Variants in SPECC1 observed in about 807,000 individuals in gnomAD.
SPECC1 encodes the protein sperm antigen with calponin homology and coiled-coil domains 1, also known as cytospin-B.
A neutral mutation model predicts 104.1 loss-of-function variants in SPECC1; 62 were observed. The ratio of observed to expected loss-of-function variants is 0.60; its 90% CI spans 0.49 to 0.74. The LOEUF (loss-of-function observed/expected upper bound fraction) is 0.74, where lower values mean the gene tolerates loss of function less well. Ranked by LOEUF, SPECC1 falls within the 30% of genes least tolerant of loss-of-function variation. The probability of loss-of-function intolerance (pLI) is 0.00; values close to 1 mark genes in which losing one functional copy is unlikely to be tolerated. For missense variants in SPECC1, 1,306 were observed against 1,310.5 expected (o/e 1.00, Z 0.05); for synonymous variants, 513 against 501.6 (o/e 1.02, Z -0.30).
intron 3 of SPECC1, among the ~76,000 whole-genome samples, chr17:20,188,851 A>G (rs913081206): frequency 2.0e-5 from 3 of 152,144 alleles, no homozygotes; most frequent in Non-Finnish European, 2.9e-5. Context: ...TTGAAAAAAC[A>G]ACTCCCACCC....
At chr17:20,120,451 G>A (rs1226049227) in intron 3 of SPECC1, among the ~76,000 whole-genome samples, 4 of 152,110 alleles carry the variant, frequency 2.6e-5, no homozygotes, top group Non-Finnish European at 5.9e-5. Context: ...GATGTTCACT[G>A]GACTTAAACC....
chr17:20,040,140 T>C, intron 1 of SPECC1, among the ~76,000 whole-genome samples: 1 of 151,800 alleles, frequency 6.6e-6, no homozygotes, highest in East Asian at 1.9e-4. Context: ...GGTTGCTGTA[T>C]TACATTATAT....
intron 4 of SPECC1, among the ~76,000 whole-genome samples, chr17:20,223,520 A>G (rs2151439955): frequency 6.6e-6 from 1 of 152,214 alleles, no homozygotes; most frequent in African/African-American, 2.4e-5. Context: ...TAAAAATACA[A>G]AAATTAGCCG....
chr17:20,179,871 AAAGT>A (rs1450260058), intron 3 of SPECC1, among the ~76,000 whole-genome samples: 3 of 152,250 alleles, frequency 2.0e-5, no homozygotes, highest in Non-Finnish European at 4.4e-5. Context: ...ATGTAAGTGT[AAAGT>A]AAGAATTCTT....
At chr17:20,247,042 CCTT>C (rs781165410) in intron 8 of SPECC1, among the ~76,000 whole-genome samples, 174 bp from the exon 9 acceptor site, 2 of 152,172 alleles carry the variant, frequency 1.3e-5, no homozygotes, top group African/African-American at 2.4e-5. Context: ...CTAAATCTTC[CCTT>C]CTTGTTTCCC....
At chr17:20,221,374 A>G (rs1389620443) in intron 4 of SPECC1, among the ~76,000 whole-genome samples, 3 of 152,094 alleles carry the variant, frequency 2.0e-5, no homozygotes, top group Admixed American at 6.5e-5. Flanking sequence ...GGATTTCTTC[A>G]TGATTCAATC....
At chr17:20,108,544 G>A (rs953561226) in intron 2 of SPECC1, among the ~76,000 whole-genome samples, 1 of 152,060 alleles carries the variant, frequency 6.6e-6, no homozygotes, top group African/African-American at 2.4e-5. Flanking sequence ...TCATTTGATT[G>A]TGCAGCTTTT....
chr17:20,096,896 A>T (rs2047673826), intron 2 of SPECC1, 98 bp downstream of exon 2: 4 of 1,441,464 alleles, frequency 2.8e-6, no homozygotes, highest in Non-Finnish European at 3.8e-6. Context: ...CTCTCGGGGC[A>T]GGGAAGGAGG....
At chr17:20,194,096 A>G (rs2035847214) in intron 3 of SPECC1, among the ~76,000 whole-genome samples, 1 of 152,218 alleles carries the variant, frequency 6.6e-6, no homozygotes, top group Admixed American at 6.5e-5. Flanking sequence ...TGGCCTGATA[A>G]TTTGTATAAA....
At chr17:20,073,794 C>CA (rs2046654056) in intron 1 of SPECC1, 1 of 152,218 alleles carries the variant, frequency 6.6e-6, no homozygotes, top group African/African-American at 2.4e-5. Context: ...CAATGTCTTA[C>CA]AGACCCAGTG....
intron 1 of SPECC1, among the ~76,000 whole-genome samples, chr17:20,058,330 G>A (rs1006384583): frequency 1.3e-5 from 2 of 152,080 alleles, no homozygotes; most frequent in Admixed American, 6.5e-5. Flanking sequence ...ACTGTAGTGC[G>A]ACTTAAAATG....
At chr17:20,075,177 A>G (rs997690883) in intron 1 of SPECC1, among the ~76,000 whole-genome samples, 3 of 152,268 alleles carry the variant, frequency 2.0e-5, no homozygotes, top group Non-Finnish European at 4.4e-5. Flanking sequence ...TGCTGGGATT[A>G]TAGGCGTGAG....
At chr17:20,181,243 G>A (rs934341705) in intron 3 of SPECC1, among the ~76,000 whole-genome samples, 6 of 151,842 alleles carry the variant, frequency 4.0e-5, no homozygotes, top group Admixed American at 2.0e-4. Flanking sequence ...ATATAAGAGC[G>A]AAATATTCAA....
chr17:20,035,028 A>G (rs899973430), intron 1 of SPECC1, among the ~76,000 whole-genome samples: 7 of 152,174 alleles, frequency 4.6e-5, no homozygotes, highest in African/African-American at 1.2e-4. Context: ...ATGACTCTAC[A>G]CCCTTTAATG....
chr17:20,301,903 A>G (rs1477110333), intron 13 of SPECC1, among the ~76,000 whole-genome samples: 1 of 152,104 alleles, frequency 6.6e-6, no homozygotes, highest in East Asian at 1.9e-4. Flanking sequence ...ATGGGGTTTC[A>G]TCATGTTGGT....
chr17:20,173,045 G>A (rs2034206229), intron 3 of SPECC1, among the ~76,000 whole-genome samples: 1 of 152,204 alleles, frequency 6.6e-6, no homozygotes, highest in Non-Finnish European at 1.5e-5. Flanking sequence ...ATTTTTAGAA[G>A]TATATAATTC....
chr17:20,270,757 G>C (rs1034422261), intron 12 of SPECC1, among the ~76,000 whole-genome samples: 8 of 152,112 alleles, frequency 5.3e-5, no homozygotes, highest in African/African-American at 1.9e-4. Context: ...TTGCAAAAGG[G>C]TGTGTTACAC....
rs1215052024 is a variant in SPECC1, at chr17:20,231,742, A to G, written c.2072-16A>G. Reference sequence around the variant, plus strand: ...TCACAGCTTTTCTAAGCCCTGTCTGAATTATTTATTTCTAGGTAGTGTGAT... The same window carrying G: ...TCACAGCTTTTCTAAGCCCTGTCTGGATTATTTATTTCTAGGTAGTGTGAT... On this transcript the variant is annotated splice_polypyrimidine_tract_variant and intron_variant, in intron 5 of 14. Transcript: ENST00000395527. 6.2e-7 allele frequency: 1 copy of G among 1,613,004 alleles called. No homozygotes were observed. Among genetic ancestry groups the G allele is most frequent in the Admixed American group, 1.7e-5 (1 of 59,958 alleles).
chr17:20,239,134 C>T, intron 7 of SPECC1: 2 of 652,062 alleles, frequency 3.1e-6, no homozygotes, highest in Non-Finnish European at 3.6e-6. Context: ...ATTTTTAAAA[C>T]TCTAGGGTCT....
Sources: allele counts gnomAD v4.1 joint callset (sites outside exome capture counted in the v4.1 genomes callset), GRCh38; gene constraint gnomAD v4.1.1; transcripts MANE v1.5; gene names NCBI Gene and HGNC (gene_info 2026-07-23, HGNC 2026-07-21).